The following SOD2 variants were observed in gnomAD, a reference collection of about 807,000 sequenced individuals.
SOD2 encodes superoxide dismutase 2.
In SOD2, 11 loss-of-function variants were observed where a neutral mutation model predicts 27.0. The observed-to-expected ratio is 0.41, with a 90% CI of 0.26 to 0.67. The LOEUF (loss-of-function observed/expected upper bound fraction) is 0.67. Among genes scored for constraint, SOD2 ranks in the 30% least tolerant of loss-of-function variants. The pLI, the probability that SOD2 is intolerant of heterozygous loss-of-function variation, is 0.34. For synonymous variants in SOD2, 105 were observed against 103.0 expected (o/e 1.02, Z -0.12); for missense variants, 250 against 274.5 (o/e 0.91, Z 0.63).
chr6:159,693,235 C>G lies in SOD2; in HGVS notation c.-68G>C. On this transcript the variant is annotated 5_prime_UTR_variant, in exon 1 of 5. Transcript: ENST00000538183. ...AAGCCGCTGCCGAAGCCACCACAGC[C>G]ACGAGTGCCGCTCCTGCGCCGCCCG... The G allele has an allele frequency of 7.0e-7, 1 of 1,431,238 alleles. No homozygotes were observed. The highest frequency in any genetic ancestry group is 1.3e-5 in the South Asian group (1 of 78,674). The allele number at this position is 1,431,238 out of a possible 1,614,324, so 88.7% of individuals were successfully genotyped here.
intron 1 of SOD2, chr6:159,743,711 A>G (rs1302929704): frequency 1.2e-6 from 2 of 1,613,574 alleles, no homozygotes; most frequent in Non-Finnish European, 1.7e-6. Context: ...AACTAAAGCA[A>G]CAACAGCAGG....
At chr6:159,689,433 T>A (rs950565052) in intron 2 of SOD2, among the ~76,000 whole-genome samples, 1 of 152,168 alleles carries the variant, frequency 6.6e-6, no homozygotes, top group South Asian at 2.1e-4. Flanking sequence ...GCCAAATAAG[T>A]AGGCAAAATA....
At position 159,726,799 on chromosome 6, in the gene SOD2, G is replaced by A. The variant is rs1445742602; in HGVS notation, c.-116+330C>T. 7 of 1,289,080 alleles carry A rather than the reference G, an allele frequency of 5.4e-6. No homozygotes were observed. The African/African-American group carries it at 9.1e-5, about 17-fold the overall frequency. The allele number at this position is 1,289,080 out of a possible 1,614,324, so 79.9% of individuals were successfully genotyped here. On this transcript the variant is annotated intron_variant, in intron 1 of 2. Coordinates refer to the SOD2 transcript ENST00000401980. Reference sequence around the variant, plus strand: ...ACGAACCCAGCGGCCAGGAGACTGCGCCTCACGACTGATGAGAGGGAAGGC... The same window carrying A: ...ACGAACCCAGCGGCCAGGAGACTGCACCTCACGACTGATGAGAGGGAAGGC...
intron 1 of SOD2, chr6:159,725,938 T>G (rs556509875): frequency 5.3e-5 from 8 of 152,226 alleles, no homozygotes; most frequent in African/African-American, 1.9e-4. Flanking sequence ...AATGGTTGCA[T>G]TGTGTTCTAC....
chr6:159,720,197 AT>A (rs1255498192), intron 1 of SOD2, among the ~76,000 whole-genome samples: 2 of 151,272 alleles, frequency 1.3e-5, no homozygotes, highest in African/African-American at 4.9e-5. Context: ...CGCCCGGCTA[AT>A]TTTTTTGTGT....
chr6:159,738,171 A>G (rs1779035244), intron 1 of SOD2, among the ~76,000 whole-genome samples: 1 of 152,236 alleles, frequency 6.6e-6, no homozygotes, highest in South Asian at 2.1e-4. Context: ...ACCATCATTA[A>G]TCAAGATACA....
chr6:159,750,512 ATTAC>A (rs1345093137), intron 1 of SOD2, among the ~76,000 whole-genome samples: 1 of 152,226 alleles, frequency 6.6e-6, no homozygotes, highest in African/African-American at 2.4e-5. Flanking sequence ...AGTAACTGCT[ATTAC>A]TTTTTCTTGG....
At position 159,692,279 on chromosome 6, in the gene SOD2, C is replaced by T. The variant is rs931469781; in HGVS notation, c.226+382G>A. 8 of 672,702 alleles carry T rather than the reference C, an allele frequency of 1.2e-5. No individual in the cohort carries two copies. In the South Asian group the frequency reaches 3.3e-4, roughly 27 times the overall value. The allele number at this position is 672,702 out of a possible 1,614,324, so 41.7% of individuals were successfully genotyped here. On this transcript the variant is annotated intron_variant, in intron 2 of 4. Coordinates refer to ENST00000538183, the MANE Select transcript of SOD2 (RefSeq NM_000636.4). The stretch of plus-strand genomic sequence containing the variant: ...CACCTACCTGAGAGACCAAACATTT[C>T]CCCAAAGCACATTATACAACAAGAA...
chr6:159,690,103 G>A (rs557595265), intron 2 of SOD2, among the ~76,000 whole-genome samples: 36 of 150,618 alleles, frequency 2.4e-4, no homozygotes, highest in Non-Finnish European at 3.4e-4. Context: ...GGACGACATG[G>A]AAAAACCCTG....
rs981342542 is a variant in SOD2, at chr6:159,673,499, T to C, written c.*8994A>G. 3.9e-5 allele frequency: 6 copies of C among 152,044 alleles called. No homozygotes were observed. The highest frequency in any genetic ancestry group is 1.2e-4 in the African/African-American group (5 of 41,374). 9.4% of individuals were successfully genotyped at this position (152,044 alleles called of 1,614,324 possible). ...GAACAACCTGCTCCTGAATGACTAC[T>C]GGGTACATAACAAAATGAAGGCAGA... On this transcript the variant is annotated 3_prime_UTR_variant, in exon 5 of 5. Transcript: ENST00000538183.
Position 159,681,606 on chromosome 6 carries a change from C to T in SOD2, c.*887G>A, listed in dbSNP as rs149699713. The T allele has an allele frequency of 6.6e-6, 1 of 152,280 alleles. No individual in the cohort carries two copies. Among genetic ancestry groups the T allele is most frequent in the African/African-American group, 2.4e-5 (1 of 41,444 alleles). 9.4% of individuals were successfully genotyped at this position (152,280 alleles called of 1,614,324 possible). The stretch of plus-strand genomic sequence containing the variant: ...CTGTAAGCCCGCCCCCTGCCTACCC[C>T]ACTTCACCTTTCAGGCCAAACCAAT... On this transcript the variant is annotated 3_prime_UTR_variant, in exon 5 of 5. Coordinates refer to ENST00000538183, the MANE Select transcript of SOD2 (RefSeq NM_000636.4).
intron 4 of SOD2, 151 bp downstream of exon 4, chr6:159,684,703 C>G (rs1780105670): frequency 2.0e-6 from 1 of 505,752 alleles, no homozygotes; most frequent in South Asian, 4.4e-5. Context: ...ACTTCTAAAA[C>G]ATTTTTACTT....
intron 1 of SOD2, among the ~76,000 whole-genome samples, chr6:159,720,847 C>CTTTTTTTTTTTTTTTTTTTTT: frequency 1.7e-5 from 1 of 59,946 alleles, no homozygotes; most frequent in Non-Finnish European, 2.9e-5. Flanking sequence ...TTTTCTTTAC[C>CTTTTTTTTTTTTTTTTTTTTT]TTTTTTTTTT....
upstream of SOD2, among the ~76,000 whole-genome samples, chr6:159,697,676 G>C (rs1263456361): frequency 1.3e-5 from 2 of 152,208 alleles, no homozygotes; most frequent in East Asian, 3.8e-4. Context: ...TCATTGAGCA[G>C]ATCCTCCATG....
upstream of SOD2, among the ~76,000 whole-genome samples, chr6:159,746,726 GT>G (rs1249404668): frequency 1.3e-5 from 2 of 152,074 alleles, no homozygotes; most frequent in Non-Finnish European, 2.9e-5. Context: ...TGGTATTTCT[GT>G]TTTTCATTTA....
chr6:159,723,933 T>C (rs1778089244), intron 1 of SOD2, among the ~76,000 whole-genome samples: 1 of 152,124 alleles, frequency 6.6e-6, no homozygotes, highest in East Asian at 1.9e-4. Flanking sequence ...TATTTTATTA[T>C]TTTGTATTTT....
intron 1 of SOD2, chr6:159,713,856 T>A: frequency 9.2e-7 from 1 of 1,083,414 alleles, no homozygotes; most frequent in South Asian, 1.4e-5. Flanking sequence ...CCGGTGTAGA[T>A]GAAACAAATA....
At chr6:159,734,537 C>T (rs1362454109) in intron 1 of SOD2, among the ~76,000 whole-genome samples, 2 of 152,024 alleles carry the variant, frequency 1.3e-5, no homozygotes, top group Non-Finnish European at 2.9e-5. Flanking sequence ...TAGGGCTGGG[C>T]GTGATCCTTC....
chr6:159,732,676 T>G (rs570424730), intron 1 of SOD2, among the ~76,000 whole-genome samples: 42 of 152,000 alleles, frequency 2.8e-4, no homozygotes, highest in African/African-American at 8.2e-4. Context: ...ATACAAAAAT[T>G]AGCCGGGCGT....
Sources: allele counts gnomAD v4.1 joint callset (sites outside exome capture counted in the v4.1 genomes callset), GRCh38; gene constraint gnomAD v4.1.1; transcripts MANE v1.5; gene names NCBI Gene and HGNC (gene_info 2026-07-23, HGNC 2026-07-21).